The following MUCL3 variants were observed in gnomAD, a reference collection of about 807,000 sequenced individuals.
The protein encoded by MUCL3 is mucin-like protein 3.
Under a neutral mutation model 70.2 loss-of-function variants are expected in MUCL3, and 42 were observed. That is an observed-to-expected ratio of 0.60 (90% confidence interval 0.47 to 0.77). The LOEUF (loss-of-function observed/expected upper bound fraction) is 0.77, where lower values mean the gene tolerates loss of function less well. Among genes scored for constraint, MUCL3 ranks in the 30% least tolerant of loss-of-function variants. The probability of loss-of-function intolerance (pLI) is 0.00; values close to 1 mark genes in which losing one functional copy is unlikely to be tolerated. For synonymous variants in MUCL3, 522 were observed against 647.0 expected (o/e 0.81, Z 2.93); for missense variants, 1,429 against 1,670.0 (o/e 0.86, Z 2.52).
In MUCL3 at chr6:30,950,885, G is replaced by A. The variant is rs769393074; in HGVS notation, c.2421G>A (p.Arg807=). Residue 807 remains arginine (R), a synonymous_variant, in exon 2 of 3, where the codon AGG becomes AGA. Transcript: ENST00000462446. ...SSAEPTEHAE[R]TPLANENTTS... ...CAGAGCCTACAGAACACGCAGAAAG[G>A]ACTCCACTGGCCAATGAGAACACCA... The A allele has an allele frequency of 8.4e-6, 13 of 1,546,136 alleles. No individual in the cohort carries two copies. Among genetic ancestry groups the A allele is most frequent in the Non-Finnish European group, 1.1e-5 (13 of 1,146,228 alleles).
Position 30,949,943 on chromosome 6 carries a change from A to G in MUCL3, c.1479A>G (p.Pro493=), listed in dbSNP as rs1760540915. 7.1e-6 allele frequency: 11 copies of G among 1,550,622 alleles called. No individual in the cohort carries two copies. Among genetic ancestry groups the G allele is most frequent in the Non-Finnish European group, 9.6e-6 (11 of 1,146,860 alleles). The change falls in exon 2 of 3, where the codon CCA becomes CCG. Residue 493 remains proline (P), a synonymous_variant. Coordinates refer to ENST00000462446, the MANE Select transcript of MUCL3 (RefSeq NM_080870.4). ...CAACAGCCAATGAGAAGACCACACC[A>G]TCCCCAGCAGAGCCTACAGAAAATG... ...RETTANEKTT[P]SPAEPTENGQ... is the part of the protein sequence containing the mutation.
rs1161104447 is a variant in MUCL3 at position 30,950,113 on chromosome 6, A to G, written c.1649A>G (p.Glu550Gly). 2 of 1,551,520 alleles carry G rather than the reference A, an allele frequency of 1.3e-6. No homozygotes were observed. Among genetic ancestry groups the G allele is most frequent in the South Asian group, 2.4e-5 (2 of 84,010 alleles). ...PTENRERTAN[E>G]KTTPSPAEPT... is the part of the protein sequence containing the mutation. ...GAAAATAGAGAAAGGACAGCCAATG[A>G]GAAGACCACACCATCCCCAGCAGAG... Residue 550 changes from glutamate to glycine, a missense_variant, in exon 2 of 3, where the codon GAG (glutamate) becomes GGG (glycine). Physicochemically the swap from Glu to Gly is moderately conservative, Grantham distance 98. Transcript: ENST00000462446.
rs1005169090 is a variant in MUCL3, at chr6:30,950,864, G to C, written c.2400G>C (p.Glu800Asp). 3.7e-5 allele frequency: 58 copies of C among 1,548,336 alleles called. 1 individual carries two copies. Among genetic ancestry groups the C allele is most frequent in the Non-Finnish European group, 4.7e-5 (54 of 1,146,692 alleles). Reference protein sequence around the residue: ...ANEKTTSSSAEPTEHAERTPL... With the variant: ...ANEKTTSSSADPTEHAERTPL... ...AGAAGACCACATCATCCTCAGCAGA[G>C]CCTACAGAACACGCAGAAAGGACTC... The change falls in exon 2 of 3, where the codon GAG (glutamate) becomes GAC (aspartate). Residue 800 changes from glutamate to aspartate, a missense_variant. Glu to Asp is a conservative substitution (Grantham distance 45, BLOSUM62 2). Transcript: ENST00000462446.
At chr6:30,948,094 A>C (rs773261848) in intron 1 of MUCL3, among the ~76,000 whole-genome samples, 1 of 152,226 alleles carries the variant, frequency 6.6e-6, no homozygotes, top group Non-Finnish European at 1.5e-5. Context: ...CTAAAGGGGC[A>C]CCTGCACAGT....
Position 30,952,424 on chromosome 6 carries a change from C to T in MUCL3, c.3960C>T (p.Phe1320=). The T allele has an allele frequency of 6.2e-7, 1 of 1,614,082 alleles. No individual in the cohort carries two copies. ...HAGQMGENDS[F]PAWAIVIVVL... ...GACAGATGGGAGAGAATGATTCATT[C>T]CCTGCATGGGCCATAGTTATTGTGG... Residue 1320 remains phenylalanine, a synonymous_variant, in exon 2 of 3, where the codon TTC becomes TTT. Transcript: ENST00000462446.
intron 1 of MUCL3, chr6:30,946,335 T>G (rs1795780159): frequency 6.6e-6 from 1 of 152,222 alleles, no homozygotes; most frequent in Non-Finnish European, 1.5e-5. Flanking sequence ...GTCGAGAACA[T>G]GGAGCTTCAG....
chr6:30,943,306 A>G (rs1017056394), intron 1 of MUCL3, among the ~76,000 whole-genome samples: 1 of 152,224 alleles, frequency 6.6e-6, no homozygotes, highest in Non-Finnish European at 1.5e-5. Flanking sequence ...AGATTAAATC[A>G]TCACAGAGAG....
At chr6:30,941,161 G>C in intron 1 of MUCL3, 80 bp downstream of exon 1, 5 of 1,500,246 alleles carry the variant, frequency 3.3e-6, no homozygotes, top group Non-Finnish European at 4.5e-6. Context: ...AAATAGAAAT[G>C]AATGAAGGGG....
intron 1 of MUCL3, chr6:30,946,347 G>T (rs1795780551): frequency 6.6e-6 from 1 of 152,232 alleles, no homozygotes; most frequent in South Asian, 2.1e-4. Context: ...GAGCTTCAGA[G>T]CACTTAAGAG....
At chr6:30,945,740 G>A (rs1179840542) in intron 1 of MUCL3, among the ~76,000 whole-genome samples, 1 of 152,172 alleles carries the variant, frequency 6.6e-6, no homozygotes, top group Non-Finnish European at 1.5e-5. Context: ...AGATCATGAG[G>A]TCAGGAGATC....
chr6:30,948,481 A>C (rs1207113391), intron 1 of MUCL3, 66 bp from the exon 2 acceptor site: 2 of 1,235,170 alleles, frequency 1.6e-6, no homozygotes, highest in Non-Finnish European at 2.2e-6. Flanking sequence ...CTAGAGAAGG[A>C]GGTGGGAAGG....
Position 30,950,619 on chromosome 6 carries a change from G to T in MUCL3, c.2155G>T (p.Ala719Ser). The T allele has an allele frequency of 1.3e-6, 2 of 1,537,448 alleles. No individual in the cohort carries two copies. Among genetic ancestry groups the T allele is most frequent in the Non-Finnish European group, 1.8e-6 (2 of 1,137,144 alleles). Residue 719 changes from alanine to serine, a missense_variant, in exon 2 of 3, where the codon GCA becomes TCA. Ala to Ser is a moderately conservative substitution (Grantham distance 99). Transcript: ENST00000462446. ...CAATGAGAACACCACACTATCCCCA[G>T]CAGAGCCTACAGAAAATAGAGAAAG... ...LANENTTLSP[A>S]EPTENRERTA... is the part of the protein sequence containing the mutation.
chr6:30,942,865 T>A (rs927560683), intron 1 of MUCL3, among the ~76,000 whole-genome samples: 1 of 151,776 alleles, frequency 6.6e-6, no homozygotes, highest in Non-Finnish European at 1.5e-5. Context: ...TGGGGCCATG[T>A]GGGCGTGGTC....
At chr6:30,947,906 T>A (rs1760381202) in intron 1 of MUCL3, among the ~76,000 whole-genome samples, 2 of 152,114 alleles carry the variant, frequency 1.3e-5, no homozygotes, top group South Asian at 4.1e-4. Context: ...TCACTCACAA[T>A]TTGTGTCTAC....
Position 30,951,668 on chromosome 6 carries a change from G to T in MUCL3, c.3204G>T (p.Lys1068Asn). Reference protein sequence around the residue: ...SPVKPTEHGEKTTLANEKITL... With the variant: ...SPVKPTEHGENTTLANEKITL... ...TAAAGCCTACAGAACATGGAGAAAA[G>T]ACTACATTGGCCAATGAGAAGATCA... Residue 1068 changes from lysine to asparagine, a missense_variant, in exon 2 of 3, where the codon AAG becomes AAT. Lys to Asn is a moderately conservative substitution (Grantham distance 94). Coordinates refer to ENST00000462446, the MANE Select transcript of MUCL3 (RefSeq NM_080870.4). The T allele has an allele frequency of 2.6e-6, 4 of 1,551,950 alleles. No individual in the cohort carries two copies. Among genetic ancestry groups the T allele is most frequent in the Non-Finnish European group, 3.5e-6 (4 of 1,147,008 alleles).
In MUCL3 at chr6:30,941,463, T is replaced by C. The variant is rs112723096; in HGVS notation, c.82+382T>C. Reference sequence around the variant, plus strand: ...TCTTCTTCTTCTTCTTCTTCTTTTTTTTTTTTTTTTTTTTGAGAAGGAGTC... The same window carrying C: ...TCTTCTTCTTCTTCTTCTTCTTTTTCTTTTTTTTTTTTTTGAGAAGGAGTC... On this transcript the variant is annotated intron_variant, in intron 1 of 2. Transcript: ENST00000462446. 4.7e-3 allele frequency among the ~76,000 whole-genome samples: 612 copies of C among 130,790 alleles called. 3 individuals carry two copies. Among genetic ancestry groups the C allele is most frequent in the Admixed American group, 9.8e-3 (120 of 12,212 alleles). 85.8% of individuals were successfully genotyped at this position (130,790 alleles called of 152,430 possible).
chr6:30,951,649 C>G lies in MUCL3; in HGVS notation c.3185C>G (p.Pro1062Arg). 6.4e-7 allele frequency: 1 copy of G among 1,551,706 alleles called. No individual in the cohort carries two copies. The highest frequency in any genetic ancestry group is 8.7e-7 in the Non-Finnish European group (1 of 1,146,548). ...AACACCACACCATCCCCAGTAAAGC[C>G]TACAGAACATGGAGAAAAGACTACA... is the stretch of plus-strand genomic sequence containing the variant. ...NENTTPSPVK[P>R]TEHGEKTTLA... The change falls in exon 2 of 3, where the codon CCT becomes CGT. Residue 1062 changes from proline (P) to arginine (R), a missense_variant. Physicochemically the swap from Pro to Arg is moderately radical, Grantham distance 103. Coordinates refer to ENST00000462446, the MANE Select transcript of MUCL3 (RefSeq NM_080870.4).
rs1332517045 is a variant in MUCL3, at chr6:30,953,084, T to A, written c.4149T>A (p.Asn1383Lys). 6.2e-7 allele frequency: 1 copy of A among 1,614,100 alleles called. No individual in the cohort carries two copies. Among genetic ancestry groups the A allele is most frequent in the Non-Finnish European group, 8.5e-7 (1 of 1,180,028 alleles). Reference protein sequence around the residue: ...SYPVYLMEQQNLGMGQIPSPR With the variant: ...SYPVYLMEQQKLGMGQIPSPR ...CGGTCTACCTGATGGAGCAGCAGAA[T>A]CTTGGCATGGGCCAGATCCCTTCCC... The change falls in exon 3 of 3, where the codon AAT (asparagine) becomes AAA (lysine). Residue 1383 changes from asparagine (N) to lysine (K), a missense_variant. By Grantham distance (94) the Asn-to-Lys change is moderately conservative (BLOSUM62 0). Coordinates refer to ENST00000462446, the MANE Select transcript of MUCL3 (RefSeq NM_080870.4).
chr6:30,950,958 G>A lies in MUCL3; in HGVS notation c.2494G>A (p.Glu832Lys). The change falls in exon 2 of 3, where the codon GAG (glutamate) becomes AAG (lysine). Residue 832 changes from glutamate to lysine, a missense_variant. Coordinates refer to ENST00000462446, the MANE Select transcript of MUCL3 (RefSeq NM_080870.4). ...PTENRERTAN[E>K]KTTQFPAEPT... ...AGAAAATAGAGAAAGGACAGCCAAT[G>A]AGAAGACCACACAATTCCCAGCAGA... The A allele has an allele frequency of 1.3e-6, 2 of 1,548,198 alleles. No homozygotes were observed. The highest frequency in any genetic ancestry group is 1.7e-6 in the Non-Finnish European group (2 of 1,146,484).
Sources: allele counts gnomAD v4.1 joint callset (sites outside exome capture counted in the v4.1 genomes callset), GRCh38; gene constraint gnomAD v4.1.1; transcripts MANE v1.5; gene names NCBI Gene and HGNC (gene_info 2026-07-23, HGNC 2026-07-21).